TENM2: variants seen among roughly 807,000 people sequenced by gnomAD.
TENM2 encodes teneurin-2.
In TENM2, 52 loss-of-function variants were observed where a neutral mutation model predicts 245.2. The ratio of observed to expected loss-of-function variants is 0.21; its 90% CI spans 0.17 to 0.27. The LOEUF is 0.27. Ranked by LOEUF, TENM2 falls within the 10% of genes least tolerant of loss-of-function variation. The pLI is 1.00. For missense variants in TENM2, 3,046 were observed against 3,666.8 expected (o/e 0.83, Z 4.37); for synonymous variants, 1,363 against 1,438.9 (o/e 0.95, Z 1.19).
the TENM2 span, among the ~76,000 whole-genome samples, chr5:166,982,136 T>A: frequency 6.6e-6 from 1 of 152,182 alleles, no homozygotes; most frequent in Non-Finnish European, 1.5e-5. Context: ...TTGTTAAATT[T>A]CAGCATGGCA....
the TENM2 span, among the ~76,000 whole-genome samples, chr5:166,995,013 A>G: frequency 1.3e-5 from 2 of 152,116 alleles, no homozygotes; most frequent in Non-Finnish European, 2.9e-5. Flanking sequence ...GACATTTTTC[A>G]TTTATCTGTT....
At chr5:167,659,149 T>C (rs1755041547) in intron 2 of TENM2, among the ~76,000 whole-genome samples, 1 of 152,230 alleles carries the variant, frequency 6.6e-6, no homozygotes, top group African/African-American at 2.4e-5. Context: ...TTATGGTTTA[T>C]AGATTGCAAT....
chr5:168,061,935 G>T, intron 6 of TENM2, 125 bp from the exon 9 acceptor site: 1 of 859,640 alleles, frequency 1.2e-6, no homozygotes, highest in Non-Finnish European at 1.7e-6. Flanking sequence ...AAAGAAACTT[G>T]CCATGAGTTT....
chr5:168,158,850 T>TATATATATATATATATATACACACAC (rs1339051385), intron 12 of TENM2, among the ~76,000 whole-genome samples: 36 of 62,282 alleles, frequency 5.8e-4, no homozygotes, highest in Non-Finnish European at 1.1e-3. Flanking sequence ...TATATATATA[T>TATATATATATATATATATACACACAC]ACACACACAC....
intron 2 of TENM2, among the ~76,000 whole-genome samples, chr5:167,495,732 G>A (rs1357085686): frequency 2.0e-5 from 3 of 151,892 alleles, no homozygotes; most frequent in Admixed American, 1.3e-4. Context: ...TTTAATTAGC[G>A]TTCATGGTGT....
At chr5:167,059,215 A>T in the TENM2 span, among the ~76,000 whole-genome samples, 1 of 152,172 alleles carries the variant, frequency 6.6e-6, no homozygotes, top group African/African-American at 2.4e-5. Flanking sequence ...CACAAAACTC[A>T]CTTTAATAAA....
chr5:168,231,371 G>A (rs1764879405), intron 25 of TENM2, among the ~76,000 whole-genome samples: 1 of 152,212 alleles, frequency 6.6e-6, no homozygotes, highest in African/African-American at 2.4e-5. Context: ...AGAGGTGACA[G>A]GACAAAGAAT....
chr5:167,836,068 A>G (rs1036938173), intron 2 of TENM2, among the ~76,000 whole-genome samples: 10 of 152,228 alleles, frequency 6.6e-5, no homozygotes, highest in African/African-American at 2.4e-4. Flanking sequence ...GGGAGAAGGA[A>G]GAAAGAGTTA....
chr5:167,777,213 G>T (rs2150808268), intron 2 of TENM2, among the ~76,000 whole-genome samples: 1 of 152,258 alleles, frequency 6.6e-6, no homozygotes, highest in African/African-American at 2.4e-5. Context: ...AGGCAGCTTT[G>T]GGTGTGTATA....
chr5:167,264,607 A>AATAG, the TENM2 span, among the ~76,000 whole-genome samples: 6 of 152,308 alleles, frequency 3.9e-5, no homozygotes, highest in East Asian at 1.2e-3. Context: ...TTGGATAGTG[A>AATAG]ATAGATATAC....
intron 2 of TENM2, among the ~76,000 whole-genome samples, chr5:167,407,538 C>T (rs1363438821): frequency 6.6e-6 from 1 of 152,082 alleles, no homozygotes; most frequent in African/African-American, 2.4e-5. Context: ...AAAAAAATGG[C>T]CAGATGTGGT....
chr5:167,095,947 A>G, the TENM2 span, among the ~76,000 whole-genome samples: 1 of 151,742 alleles, frequency 6.6e-6, no homozygotes, highest in Non-Finnish European at 1.5e-5. Flanking sequence ...ATTTTTGTAT[A>G]TTTAAGTAGA....
the TENM2 span, among the ~76,000 whole-genome samples, chr5:167,088,649 G>GA: frequency 0.34 from 50,332 of 149,060 alleles, 9,429 homozygotes; most frequent in Non-Finnish European, 0.45. Flanking sequence ...AAAGAAAAAA[G>GA]AAAAAAAAAC....
Position 168,157,823 on chromosome 5 carries a change from G to A in TENM2, c.2423-4788G>A, listed in dbSNP as rs142438979. On this transcript the variant is annotated intron_variant, in intron 12 of 28. Coordinates refer to ENST00000518659, the Ensembl canonical transcript of TENM2. ...GGGGAATAGATGGCTATGTTGAGAC[G>A]CAAGTTGGAGTTCAGGTCTAGAGGT... is the stretch of plus-strand genomic sequence containing the variant. Among the ~76,000 whole-genome samples, 703 of 152,262 alleles carry A rather than the reference G, an allele frequency of 4.6e-3. 6 individuals are homozygous for A. Among genetic ancestry groups the A allele is most frequent in the African/African-American group, 0.015 (626 of 41,534 alleles).
chr5:168,077,495 G>T (rs555657411), intron 7 of TENM2, among the ~76,000 whole-genome samples: 1 of 151,940 alleles, frequency 6.6e-6, no homozygotes, highest in East Asian at 1.9e-4. Flanking sequence ...TGTTACATAA[G>T]TATACATGTG....
chr5:167,988,049 C>A (rs925769734), intron 4 of TENM2, among the ~76,000 whole-genome samples: 1 of 152,098 alleles, frequency 6.6e-6, no homozygotes, highest in Non-Finnish European at 1.5e-5. Flanking sequence ...CTACATCCTG[C>A]GAGGGTTTAT....
chr5:167,982,762 G>T (rs1562013702), intron 4 of TENM2, among the ~76,000 whole-genome samples: 1 of 152,140 alleles, frequency 6.6e-6, no homozygotes, highest in Non-Finnish European at 1.5e-5. Flanking sequence ...GAAGAGGGAA[G>T]GGTACCAGAA....
intron 2 of TENM2, among the ~76,000 whole-genome samples, chr5:167,534,218 T>C (rs1235342226): frequency 6.6e-6 from 1 of 152,130 alleles, no homozygotes; most frequent in Non-Finnish European, 1.5e-5. Flanking sequence ...CTAAGAATAC[T>C]CATAAGGGAC....
At chr5:167,489,596 G>T (rs1324922475) in intron 2 of TENM2, among the ~76,000 whole-genome samples, 1 of 152,066 alleles carries the variant, frequency 6.6e-6, no homozygotes, top group Non-Finnish European at 1.5e-5. Flanking sequence ...ATGTCACTTA[G>T]CACCTTCTAA....
Sources: gnomAD v4.1 joint callset for allele counts (sites outside exome capture counted in the v4.1 genomes callset) on GRCh38, gnomAD v4.1.1 for gene constraint, MANE v1.5 for transcripts, NCBI Gene and HGNC (gene_info 2026-07-23, HGNC 2026-07-21) for gene names.